The following BANK1 variants were observed in gnomAD, a reference collection of about 807,000 sequenced individuals.
BANK1 encodes the protein B cell scaffold protein with ankyrin repeats 1, also known as B-cell scaffold protein with ankyrin repeats.
A neutral mutation model predicts 94.5 loss-of-function variants in BANK1; 95 were observed. The ratio of observed to expected loss-of-function variants is 1.00; its 90% confidence interval spans 0.85 to 1.19. The LOEUF is 1.19. BANK1 is among the 50% of genes most tolerant of loss of function. The pLI, the probability that BANK1 is intolerant of heterozygous loss-of-function variation, is 0.00. For missense variants in BANK1, 987 were observed against 932.2 expected (o/e 1.06, Z -0.77); for synonymous variants, 334 against 308.4 (o/e 1.08, Z -0.87).
At chr4:101,946,221 A>T (rs1050496777) in intron 7 of BANK1, among the ~76,000 whole-genome samples, 2 of 152,006 alleles carry the variant, frequency 1.3e-5, no homozygotes, top group African/African-American at 4.8e-5. Context: ...TTATAATGTT[A>T]TGCGATGAGA....
chr4:101,808,761 T>C (rs891999698), intron 1 of BANK1, among the ~76,000 whole-genome samples: 4 of 151,888 alleles, frequency 2.6e-5, no homozygotes, highest in Non-Finnish European at 5.9e-5. Flanking sequence ...ATGCTCAACA[T>C]CACTAATTAT....
chr4:101,956,564 G>A (rs1003556981), intron 7 of BANK1, among the ~76,000 whole-genome samples: 17 of 152,146 alleles, frequency 1.1e-4, no homozygotes, highest in Non-Finnish European at 2.4e-4. Flanking sequence ...ACTGGTAACA[G>A]ATCTAGAATG....
intron 1 of BANK1, among the ~76,000 whole-genome samples, chr4:101,808,675 A>T (rs768396774): frequency 1.3e-5 from 2 of 152,156 alleles, no homozygotes; most frequent in African/African-American, 4.8e-5. Context: ...AAAAAATCCC[A>T]TCAAAAAGGG....
In BANK1 at chr4:102,073,669, T is replaced by A; in HGVS notation, c.2299-15T>A. On this transcript the variant is annotated splice_polypyrimidine_tract_variant and intron_variant, in intron 15 of 16. Coordinates refer to ENST00000322953, the MANE Select transcript of BANK1 (RefSeq NM_017935.5). ...AATCGAGAAATACTAGCTCTATATC[T>A]TTATTTTTTTTCAGCTTCCTGCTCG... 6.2e-7 allele frequency: 1 copy of A among 1,608,758 alleles called. No homozygotes were observed. The highest frequency in any genetic ancestry group is 8.5e-7 in the Non-Finnish European group (1 of 1,176,970).
chr4:102,038,677 C>T (rs1727602441), intron 10 of BANK1, among the ~76,000 whole-genome samples: 1 of 152,142 alleles, frequency 6.6e-6, no homozygotes, highest in African/African-American at 2.4e-5. Flanking sequence ...CAATTGTCAT[C>T]ACTCAGAATG....
At chr4:101,867,432 G>A (rs1728115460) in intron 4 of BANK1, among the ~76,000 whole-genome samples, 3 of 151,942 alleles carry the variant, frequency 2.0e-5, no homozygotes, top group Admixed American at 2.0e-4. Flanking sequence ...GGGAAAGAAG[G>A]GAAATAATGT....
At chr4:102,050,190 C>G (rs1300326709) in intron 11 of BANK1, among the ~76,000 whole-genome samples, 1 of 152,130 alleles carries the variant, frequency 6.6e-6, no homozygotes, top group Admixed American at 6.5e-5. Flanking sequence ...TAAAACTTGC[C>G]TTGCTCTCTC....
intron 7 of BANK1, among the ~76,000 whole-genome samples, chr4:101,980,487 T>C (rs937787199): frequency 5.3e-5 from 8 of 151,894 alleles, no homozygotes; most frequent in Non-Finnish European, 1.2e-4. Flanking sequence ...TGTTCATAAA[T>C]GAGTCGTGAC....
In BANK1 at chr4:101,870,626, A is replaced by G. The variant is rs751861029; in HGVS notation, c.885A>G (p.Ser295=). The G allele has an allele frequency of 2.5e-6, 4 of 1,611,066 alleles. No homozygotes were observed. The highest frequency in any genetic ancestry group is 3.4e-6 in the Non-Finnish European group (4 of 1,178,686). Reference sequence around the variant, plus strand: ...AATGCCTATTCAGAATGGCAGATTCAGGAGAGAGTTTGTGCCAGGTAAGTT... The same window carrying G: ...AATGCCTATTCAGAATGGCAGATTCGGGAGAGAGTTTGTGCCAGGTAAGTT... ...AKECLFRMAD[S]GESLCQNSIE... Residue 295 remains serine, a synonymous_variant, in exon 5 of 17, where the codon TCA becomes TCG. Coordinates refer to ENST00000322953, the MANE Select transcript of BANK1 (RefSeq NM_017935.5).
At chr4:101,863,554 CA>C (rs1727960598) in intron 4 of BANK1, among the ~76,000 whole-genome samples, 1 of 152,020 alleles carries the variant, frequency 6.6e-6, no homozygotes, top group Admixed American at 6.6e-5. Context: ...AGTCTATTTA[CA>C]AAGCATTTAC....
At chr4:102,023,858 G>A (rs568976956) in intron 8 of BANK1, among the ~76,000 whole-genome samples, 3 of 152,268 alleles carry the variant, frequency 2.0e-5, no homozygotes, top group Non-Finnish European at 4.4e-5. Flanking sequence ...TTGCTAGCCT[G>A]AGCAATAATT....
At chr4:101,948,509 G>T (rs1724017301) in intron 7 of BANK1, among the ~76,000 whole-genome samples, 1 of 152,062 alleles carries the variant, frequency 6.6e-6, no homozygotes, top group South Asian at 2.1e-4. Flanking sequence ...GTTATTTATT[G>T]TAGTCTAAAA....
chr4:101,860,763 C>T (rs1174960198), intron 3 of BANK1, among the ~76,000 whole-genome samples: 1 of 152,142 alleles, frequency 6.6e-6, no homozygotes, highest in African/African-American at 2.4e-5. Context: ...CAGAAGCAGT[C>T]ATGAGTTGGG....
intron 1 of BANK1, among the ~76,000 whole-genome samples, chr4:101,807,408 C>A (rs1408967396): frequency 6.6e-6 from 1 of 152,148 alleles, no homozygotes; most frequent in Non-Finnish European, 1.5e-5. Flanking sequence ...AAAGTTCACT[C>A]TCTTTGATAG....
Position 102,021,451 on chromosome 4 carries a change from AC to A in BANK1, c.1207-62del, listed in dbSNP as rs1221613808. The A allele has an allele frequency of 1.2e-5, 7 of 601,832 alleles. No homozygotes were observed. In the African/African-American group the frequency reaches 1.4e-4, roughly 12 times the overall value. The allele number at this position is 601,832 out of a possible 1,614,324, so 37.3% of individuals were successfully genotyped here. A position where few individuals can be genotyped will look rare whatever the true frequency, so the allele number is the denominator to read the frequency against. ...AAAACAAAAACTATTTCTTATTTGC[AC>A]AGGCATCCAGTGCATATTTATTAAG... On this transcript the variant is annotated intron_variant, in intron 7 of 16. Transcript: ENST00000322953.
At chr4:101,836,285 G>A (rs1239385341) in intron 2 of BANK1, among the ~76,000 whole-genome samples, 1 of 152,038 alleles carries the variant, frequency 6.6e-6, no homozygotes, top group African/African-American at 2.4e-5. Context: ...GTCGAGACCA[G>A]GCTGGCCAAC....
intron 7 of BANK1, among the ~76,000 whole-genome samples, chr4:101,953,497 GA>G (rs1724239749): frequency 1.3e-5 from 2 of 151,754 alleles, no homozygotes; most frequent in South Asian, 4.2e-4. Flanking sequence ...TTTTGCAGCA[GA>G]CTTGCAACAC....
At chr4:101,879,220 T>A (rs1728591895) in intron 5 of BANK1, among the ~76,000 whole-genome samples, 1 of 151,918 alleles carries the variant, frequency 6.6e-6, no homozygotes, top group African/African-American at 2.4e-5. Context: ...AACTAGCTAA[T>A]GGTAAAGAGA....
At chr4:102,029,374 G>A (rs892276761) in intron 9 of BANK1, among the ~76,000 whole-genome samples, 1 of 150,806 alleles carries the variant, frequency 6.6e-6, no homozygotes, top group Non-Finnish European at 1.5e-5. Flanking sequence ...CAAGCAATAT[G>A]AAACATGAAA....
Sources: gnomAD v4.1 joint callset for allele counts (sites outside exome capture counted in the v4.1 genomes callset) on GRCh38, gnomAD v4.1.1 for gene constraint, MANE v1.5 for transcripts, NCBI Gene and HGNC (gene_info 2026-07-23, HGNC 2026-07-21) for gene names.